Variants in SUPT16H observed in about 807,000 individuals in gnomAD.
The protein encoded by SUPT16H is SPT16 homolog, facilitates chromatin remodeling subunit, also known as FACT complex subunit SPT16.
Under a neutral mutation model 136.2 loss-of-function variants are expected in SUPT16H, and 24 were observed. The observed-to-expected ratio is 0.18, with a 90% CI of 0.13 to 0.25. The LOEUF is 0.25. Among genes scored for constraint, SUPT16H ranks in the 10% least tolerant of loss-of-function variants. The probability of loss-of-function intolerance (pLI) is 1.00; values close to 1 mark genes in which losing one functional copy is unlikely to be tolerated. For synonymous variants in SUPT16H, 415 were observed against 428.2 expected (o/e 0.97, Z 0.38); for missense variants, 623 against 1,270.2 (o/e 0.49, Z 7.74).
At chr14:21,380,100 AATAAGT>A (rs1290904132) in intron 1 of SUPT16H, among the ~76,000 whole-genome samples, 2 of 152,180 alleles carry the variant, frequency 1.3e-5, no homozygotes, top group Admixed American at 6.5e-5. Flanking sequence ...CCCCCTAAAA[AATAAGT>A]ATAACTATTA....
At position 21,372,063 on chromosome 14, in the gene SUPT16H, G is replaced by A. The variant is rs781450389; in HGVS notation, c.160-19C>T. On this transcript the variant is annotated intron_variant, in intron 2 of 25. Transcript: ENST00000216297. The stretch of plus-strand genomic sequence containing the variant: ...GCCATGTCTATGGAAAAAGACAACA[G>A]TGACAACGGTATTTACAGATACAAA... 2 of 1,602,912 alleles carry A rather than the reference G, an allele frequency of 1.2e-6. No homozygotes were observed. Among genetic ancestry groups the A allele is most frequent in the African/African-American group, 2.7e-5 (2 of 74,108 alleles).
At position 21,384,009 on chromosome 14, in the gene SUPT16H, C is replaced by T. The variant is rs1887118989; in HGVS notation, c.-82G>A. ...CCACCCGCTCTCGGCCCAGGAATCCCGCACTCTCCCAATGACCCGGAAGTA... is the reference window on the plus strand; with the variant it reads ...CCACCCGCTCTCGGCCCAGGAATCCTGCACTCTCCCAATGACCCGGAAGTA... On this transcript the variant is annotated 5_prime_UTR_variant, in exon 1 of 26. Transcript: ENST00000216297. 2 of 1,519,304 alleles carry T rather than the reference C, an allele frequency of 1.3e-6. No homozygotes were observed. 94.1% of individuals were successfully genotyped at this position (1,519,304 alleles called of 1,614,324 possible). A position where few individuals can be genotyped will look rare whatever the true frequency, so the allele number is the denominator to read the frequency against.
intron 1 of SUPT16H, among the ~76,000 whole-genome samples, chr14:21,379,909 C>CAAACAAAA (rs1309068102): frequency 8.6e-6 from 1 of 116,372 alleles, no homozygotes; most frequent in African/African-American, 3.0e-5. Flanking sequence ...AACAAACAAA[C>CAAACAAAA]AAAAAAACCT....
At chr14:21,368,189 TTAC>T in intron 7 of SUPT16H, 77 bp downstream of exon 7, 1 of 1,465,202 alleles carries the variant, frequency 6.8e-7, no homozygotes, top group East Asian at 2.3e-5. Flanking sequence ...AGTGTAGGGA[TTAC>T]AGGTGTGACC....
At position 21,360,949 on chromosome 14, in the gene SUPT16H, C is replaced by T. The variant is rs765735984; in HGVS notation, c.1953G>A (p.Leu651=). The T allele has an allele frequency of 6.2e-7, 1 of 1,614,044 alleles. No homozygotes were observed. Among genetic ancestry groups the T allele is most frequent in the Non-Finnish European group, 8.5e-7 (1 of 1,179,970 alleles). The change falls in exon 17 of 26, where the codon CTG becomes CTA. Residue 651 remains leucine, a synonymous_variant. Transcript: ENST00000216297. Reference sequence around the variant, plus strand: ...GATTACTCCGGTTTAGATTGATCACCAGTGAGTCTTGTTTTACAATCCCCT... The same window carrying T: ...GATTACTCCGGTTTAGATTGATCACTAGTGAGTCTTGTTTTACAATCCCCT... ...EKEGIVKQDS[L]VINLNRSNPK...
In SUPT16H at chr14:21,357,282, T is replaced by C. The variant is rs1886455592; in HGVS notation, c.2575A>G (p.Ile859Val). The C allele has an allele frequency of 5.0e-6, 8 of 1,613,392 alleles. 1 individual carries two copies. In the East Asian group the frequency reaches 1.8e-4, roughly 36 times the overall value. ...QFHLKNFDMV[I>V]VYKDYSKKVT... is the part of the protein sequence containing the mutation. ...TTCTTGCTGTAGTCCTTGTAGACGA[T>C]TACCATATCAAAGTTCTTCAGGTGA... Residue 859 changes from isoleucine to valine, a missense_variant, in exon 22 of 26, where the codon ATC (isoleucine) becomes GTC (valine). Around this residue, in one of 7 missense-constraint regions of SUPT16H, gnomAD observed 74 missense variants for 193.8 expected, o/e 0.38. Coordinates refer to ENST00000216297, the MANE Select transcript of SUPT16H (RefSeq NM_007192.4).
At chr14:21,381,043 TGCTCTTAGCA>T (rs2139421447) in intron 1 of SUPT16H, among the ~76,000 whole-genome samples, 1 of 151,984 alleles carries the variant, frequency 6.6e-6, no homozygotes, top group East Asian at 1.9e-4. Context: ...AAATCCTTTC[TGCTCTTAGCA>T]GCTCTCACTT....
intron 6 of SUPT16H, among the ~76,000 whole-genome samples, 176 bp from the exon 7 acceptor site, chr14:21,368,617 G>C (rs968728236): frequency 1.3e-5 from 2 of 152,190 alleles, no homozygotes; most frequent in Admixed American, 6.5e-5. Flanking sequence ...AGTTTATAAA[G>C]GCTCTGGAGT....
At chr14:21,369,974 T>G in intron 4 of SUPT16H, 78 bp from the exon 5 acceptor site, 1 of 1,495,154 alleles carries the variant, frequency 6.7e-7, no homozygotes, top group African/African-American at 1.4e-5. Context: ...ATTTGAATAT[T>G]ACCAGTGATA....
At chr14:21,383,243 T>C (rs1400933875) in intron 1 of SUPT16H, 2 of 204,960 alleles carry the variant, frequency 9.8e-6, no homozygotes, top group Admixed American at 5.8e-5. Context: ...AATAAGGTTT[T>C]AGGCATCGTT....
At chr14:21,370,111 T>G (rs1048597512) in intron 4 of SUPT16H, among the ~76,000 whole-genome samples, 6 of 152,188 alleles carry the variant, frequency 3.9e-5, no homozygotes, top group Admixed American at 1.3e-4. Context: ...GTTAAGCTAA[T>G]GTACCACTTA....
chr14:21,370,628 A>T, intron 3 of SUPT16H, 140 bp from the exon 4 acceptor site: 1 of 905,190 alleles, frequency 1.1e-6, no homozygotes, highest in Non-Finnish European at 1.6e-6. Context: ...TTTACTTTTA[A>T]AGAGACAGGG....
Position 21,361,183 on chromosome 14 carries a change from G to A in SUPT16H, c.1824C>T (p.Pro608=), listed in dbSNP as rs769233012. 1.3e-5 allele frequency: 21 copies of A among 1,613,858 alleles called. No individual in the cohort carries two copies. The highest frequency in any genetic ancestry group is 1.2e-4 in the African/African-American group (9 of 74,856). ...TCAAGGCTGGTACTGTCTGTTCTCC[G>A]GGTGCCTTAATATTTGATGCTCGGT... ...ITYRASNIKA[P]GEQTVPALNL... Residue 608 remains proline (P), a synonymous_variant, in exon 16 of 26, where the codon CCC becomes CCT. Coordinates refer to ENST00000216297, the MANE Select transcript of SUPT16H (RefSeq NM_007192.4).
chr14:21,382,546 T>G (rs1410519952), intron 1 of SUPT16H, among the ~76,000 whole-genome samples: 1 of 152,224 alleles, frequency 6.6e-6, no homozygotes, highest in African/African-American at 2.4e-5. Context: ...ACAATTTTCA[T>G]ACCAAAGGTT....
In SUPT16H at chr14:21,353,578, T is replaced by C; in HGVS notation, c.2921-13A>G. 6.2e-7 allele frequency: 1 copy of C among 1,612,950 alleles called. No individual in the cohort carries two copies. Among genetic ancestry groups the C allele is most frequent in the South Asian group, 1.1e-5 (1 of 90,750 alleles). On this transcript the variant is annotated splice_polypyrimidine_tract_variant and intron_variant, in intron 24 of 25. Coordinates refer to ENST00000216297, the MANE Select transcript of SUPT16H (RefSeq NM_007192.4). ...TCCTTAGAATAGTCTGGAAGAAAAT[T>C]AATTAAGCGTTAGTCATCATGCGGG...
rs150316403 is a variant in SUPT16H, at chr14:21,352,719, C to T, written c.3098G>A (p.Arg1033His). 3,406 of 1,614,074 alleles carry T rather than the reference C, an allele frequency of 2.1e-3. 9 individuals carry two copies. Among genetic ancestry groups the T allele is most frequent in the Non-Finnish European group, 2.7e-3 (3,131 of 1,180,022 alleles). Residue 1033 changes from arginine to histidine, a missense_variant, in exon 26 of 26, where the codon CGT becomes CAT. Arg to His is a conservative substitution (Grantham distance 29). Around this residue, in one of 7 missense-constraint regions of SUPT16H, gnomAD observed 88 missense variants for 135.5 expected, o/e 0.65. Transcript: ENST00000216297. Reference protein sequence around the residue: ...SVHSSGRGSNRGSRHSSAPPK... With the variant: ...SVHSSGRGSNHGSRHSSAPPK... ...GGGTGCAGAGCTGTGTCTGGAACCA[C>T]GGTTAGAGCCACGGCCCGAACTGTG...
At chr14:21,371,315 C>T (rs1459787716) in intron 3 of SUPT16H, among the ~76,000 whole-genome samples, 2 of 151,820 alleles carry the variant, frequency 1.3e-5, no homozygotes, top group Non-Finnish European at 2.9e-5. Flanking sequence ...GAGAAGGGGT[C>T]TCACGTTGCC....
intron 23 of SUPT16H, 112 bp downstream of exon 23, chr14:21,354,299 G>A (rs1374117364): frequency 5.4e-6 from 7 of 1,295,170 alleles, no homozygotes; most frequent in Non-Finnish European, 7.2e-6. Flanking sequence ...GTGGTGTTTA[G>A]AGCTTCTCCC....
At chr14:21,378,520 CTG>C (rs1886953784) in intron 1 of SUPT16H, among the ~76,000 whole-genome samples, 1 of 152,056 alleles carries the variant, frequency 6.6e-6, no homozygotes, top group Non-Finnish European at 1.5e-5. Context: ...AAAATGTTAA[CTG>C]TGTGGGGTGG....
Sources: gnomAD v4.1 joint callset for allele counts (sites outside exome capture counted in the v4.1 genomes callset) on GRCh38, gnomAD v4.1.1 for gene constraint, gnomAD v4.1.1 regional missense constraint, MANE v1.5 for transcripts, NCBI Gene and HGNC (gene_info 2026-07-23, HGNC 2026-07-21) for gene names.